Variants in PDE4B observed in about 807,000 individuals in gnomAD.
PDE4B encodes the protein 3',5'-cyclic-AMP phosphodiesterase 4B.
Under a neutral mutation model 82.2 loss-of-function variants are expected in PDE4B, and 20 were observed. The ratio of observed to expected loss-of-function variants is 0.24; its 90% CI spans 0.17 to 0.35. The LOEUF is 0.35. Ranked by LOEUF, PDE4B falls within the 10% of genes least tolerant of loss-of-function variation. The pLI, the probability that PDE4B is intolerant of heterozygous loss-of-function variation, is 1.00. For synonymous variants in PDE4B, 320 were observed against 318.9 expected, an observed-to-expected ratio of 1.00 and a Z score of -0.04; for missense variants, 655 against 907.2, an observed-to-expected ratio of 0.72 and a Z score of 3.57.
chr1:65,827,178 G>A (rs967185437), intron 1 of PDE4B, among the ~76,000 whole-genome samples: 2 of 151,850 alleles, frequency 1.3e-5, no homozygotes, highest in African/African-American at 4.8e-5. Context: ...CTCACTCATC[G>A]TCAAGCATTA....
chr1:65,831,498 T>C (rs1646081181), intron 1 of PDE4B, among the ~76,000 whole-genome samples: 1 of 152,164 alleles, frequency 6.6e-6, no homozygotes, highest in Non-Finnish European at 1.5e-5. Flanking sequence ...AACTTGCTAG[T>C]TCTATGGCTA....
chr1:66,053,967 C>T (rs1655173155), intron 3 of PDE4B, among the ~76,000 whole-genome samples: 1 of 152,178 alleles, frequency 6.6e-6, no homozygotes, highest in African/African-American at 2.4e-5. Flanking sequence ...ACAGGATTTT[C>T]AGTGCTCACA....
intron 3 of PDE4B, among the ~76,000 whole-genome samples, chr1:65,944,014 C>T (rs952636315): frequency 1.3e-5 from 2 of 151,904 alleles, no homozygotes; most frequent in African/African-American, 4.8e-5. Flanking sequence ...GCTAGGATGT[C>T]CAGCAGCATG....
intron 1 of PDE4B, among the ~76,000 whole-genome samples, chr1:65,867,157 A>C (rs1271019794): frequency 2.0e-5 from 3 of 152,192 alleles, no homozygotes; most frequent in Non-Finnish European, 4.4e-5. Context: ...TTTAGTGTGG[A>C]ATATGTCTGA....
At chr1:65,823,396 TA>T (rs35854326) in intron 1 of PDE4B, among the ~76,000 whole-genome samples, 14,181 of 70,440 alleles carry the variant, frequency 0.2, 805 homozygotes, top group Middle Eastern at 0.29. Context: ...ACTCCATCTC[TA>T]AAAAAAAAAA....
At chr1:66,307,903 G>A (rs761509598) in intron 7 of PDE4B, among the ~76,000 whole-genome samples, 4 of 152,248 alleles carry the variant, frequency 2.6e-5, no homozygotes, top group South Asian at 2.1e-4. Context: ...GAGTTAAGTC[G>A]AGGGCCAAGG....
intron 3 of PDE4B, among the ~76,000 whole-genome samples, chr1:66,134,993 T>C (rs1278088524): frequency 6.6e-6 from 1 of 152,212 alleles, no homozygotes; most frequent in Non-Finnish European, 1.5e-5. Context: ...TAGAATTGGC[T>C]TCCTGAAGAA....
chr1:65,882,532 ATTATG>A (rs1354180863), intron 1 of PDE4B, among the ~76,000 whole-genome samples: 2 of 152,214 alleles, frequency 1.3e-5, no homozygotes, highest in Admixed American at 1.3e-4. Flanking sequence ...TGGTTAAGTA[ATTATG>A]GTGAAGACAT....
Position 65,890,207 on chromosome 1 carries a change from G to C in PDE4B, c.-70-23038G>C, listed in dbSNP as rs544900667. Among the ~76,000 whole-genome samples the C allele has an allele frequency of 8.9e-4, 135 of 151,094 alleles. 1 individual carries two copies. Among genetic ancestry groups the C allele is most frequent in the African/African-American group, 3.3e-3 (134 of 41,112 alleles). On this transcript the variant is annotated intron_variant, in intron 1 of 16. Transcript: ENST00000341517. ...TTTTAAAGTTTTAGGTTGATTATTT[G>C]ACTTAAATGAAATTTAAGATAATTT...
intron 4 of PDE4B, among the ~76,000 whole-genome samples, chr1:66,252,181 T>G (rs953291221): frequency 2.0e-5 from 3 of 152,188 alleles, no homozygotes; most frequent in African/African-American, 7.2e-5. Flanking sequence ...GATAGGTGGT[T>G]GCACTATTTC....
chr1:66,288,300 T>C (rs1656828093), intron 7 of PDE4B, among the ~76,000 whole-genome samples: 1 of 152,086 alleles, frequency 6.6e-6, no homozygotes, highest in Non-Finnish European at 1.5e-5. Context: ...GGAATGGTGC[T>C]AAACCATTGA....
intron 3 of PDE4B, among the ~76,000 whole-genome samples, chr1:66,079,342 G>T (rs572807478): frequency 1.3e-5 from 2 of 152,164 alleles, no homozygotes; most frequent in East Asian, 3.9e-4. Context: ...TTACACTGGT[G>T]CCCTATTTGG....
In PDE4B at chr1:66,255,941, G is replaced by T. The variant is rs555253463; in HGVS notation, c.477-1706G>T. On this transcript the variant is annotated intron_variant, in intron 4 of 16. Coordinates refer to ENST00000341517, the MANE Select transcript of PDE4B (RefSeq NM_002600.4). ...AGCACTTGGGAGGCCAAAGTGGGCC[G>T]ATTGCTTGAGCCCAGGGCTTGAGAG... 7.2e-5 allele frequency among the ~76,000 whole-genome samples: 11 copies of T among 152,288 alleles called. 1 individual carries two copies. Among genetic ancestry groups the T allele is most frequent in the South Asian group, 6.2e-4 (3 of 4,828 alleles).
At chr1:66,001,619 A>G (rs1459792396) in intron 3 of PDE4B, among the ~76,000 whole-genome samples, 2 of 152,202 alleles carry the variant, frequency 1.3e-5, no homozygotes, top group Non-Finnish European at 2.9e-5. Context: ...ATAAACATTC[A>G]TGTATGGTTT....
intron 3 of PDE4B, among the ~76,000 whole-genome samples, chr1:65,933,763 G>A (rs182336226): frequency 4.6e-5 from 7 of 152,084 alleles, no homozygotes; most frequent in Admixed American, 2.0e-4. Context: ...TGACACAAAC[G>A]GTAACATGAT....
rs146369191 is a variant in PDE4B at position 66,289,081 on chromosome 1, T to TAGCA, written c.634+22995_634+22996insGCAA. ...AATAGAAATGGAAGACTGGGCAACA[T>TAGCA]ATACCTGGGTCTACAAAACAATAAA... On this transcript the variant is annotated intron_variant, in intron 7 of 16. Transcript: ENST00000341517. 3.4e-3 allele frequency among the ~76,000 whole-genome samples: 513 copies of TAGCA among 152,204 alleles called. 2 individuals carry two copies. The highest frequency in any genetic ancestry group is 0.012 in the African/African-American group (485 of 41,526).
intron 3 of PDE4B, among the ~76,000 whole-genome samples, chr1:66,112,022 G>A (rs1280859974): frequency 6.6e-6 from 1 of 151,940 alleles, no homozygotes; most frequent in Admixed American, 6.6e-5. Context: ...TTTGTTCAAG[G>A]ATGAAGATGA....
intron 3 of PDE4B, among the ~76,000 whole-genome samples, chr1:66,079,188 C>CTG (rs1050244609): frequency 1.3e-5 from 2 of 148,656 alleles, no homozygotes; most frequent in Non-Finnish European, 3.0e-5. Flanking sequence ...CTCTCTCTCT[C>CTG]TCTCTCTCTC....
intron 1 of PDE4B, among the ~76,000 whole-genome samples, chr1:65,834,714 T>C (rs1040154779): frequency 1.3e-5 from 2 of 152,204 alleles, no homozygotes; most frequent in Non-Finnish European, 2.9e-5. Flanking sequence ...CATGTCTAAA[T>C]TGAGGCAGAA....
Sources: gnomAD v4.1 joint callset for allele counts (sites outside exome capture counted in the v4.1 genomes callset) on GRCh38, gnomAD v4.1.1 for gene constraint, MANE v1.5 for transcripts, NCBI Gene and HGNC (gene_info 2026-07-23, HGNC 2026-07-21) for gene names.